RAD51B: variants seen among roughly 807,000 people sequenced by gnomAD.
RAD51B encodes DNA repair protein RAD51 homolog 2.
A neutral mutation model predicts 42.2 loss-of-function variants in RAD51B; 38 were observed. That is an observed-to-expected ratio of 0.90 (90% CI 0.70 to 1.18). The LOEUF (loss-of-function observed/expected upper bound fraction) is 1.18, where lower values mean the gene tolerates loss of function less well. RAD51B is among the 50% of genes most tolerant of loss of function. The probability of loss-of-function intolerance (pLI) is 0.00; values close to 1 mark genes in which losing one functional copy is unlikely to be tolerated. For missense variants in RAD51B, 373 were observed against 400.7 expected (o/e 0.93, Z 0.59); for synonymous variants, 154 against 145.2 (o/e 1.06, Z -0.43).
At chr14:68,476,476 C>T (rs748419525) in intron 10 of RAD51B, among the ~76,000 whole-genome samples, 3 of 152,228 alleles carry the variant, frequency 2.0e-5, no homozygotes, top group Non-Finnish European at 4.4e-5. Context: ...TCCTGAATTT[C>T]ACCGATGAAG....
intron 7 of RAD51B, among the ~76,000 whole-genome samples, chr14:68,158,408 A>T (rs2078564157): frequency 6.6e-6 from 1 of 152,210 alleles, no homozygotes; most frequent in South Asian, 2.1e-4. Context: ...GCCGAACTGT[A>T]ATTGTTCAAT....
rs150920104 is a variant in RAD51B, at chr14:68,329,054, G to C, written c.853+37074G>C. Among the ~76,000 whole-genome samples the C allele has an allele frequency of 2.1e-3, 316 of 152,200 alleles. 1 individual carries two copies. Among genetic ancestry groups the C allele is most frequent in the African/African-American group, 6.4e-3 (265 of 41,506 alleles). ...GACAGGGTCTTTTGCTGTTGCCCAGGCTGGAGTGCAGTGGCATGATCATAG... is the reference window on the plus strand; with the variant it reads ...GACAGGGTCTTTTGCTGTTGCCCAGCCTGGAGTGCAGTGGCATGATCATAG... On this transcript the variant is annotated intron_variant, in intron 8 of 10. Coordinates refer to ENST00000471583, the MANE Select transcript of RAD51B (RefSeq NM_133510.4).
chr14:67,959,177 G>A (rs1000517341), intron 7 of RAD51B, among the ~76,000 whole-genome samples: 3 of 151,534 alleles, frequency 2.0e-5, no homozygotes, highest in African/African-American at 7.3e-5. Flanking sequence ...ACCTGCTAGT[G>A]TTACCAATGC....
At chr14:68,676,211 T>A (rs1168183382) in intron 11 of RAD51B, among the ~76,000 whole-genome samples, 4 of 152,192 alleles carry the variant, frequency 2.6e-5, no homozygotes, top group Admixed American at 1.3e-4. Flanking sequence ...TAAGTGCAAC[T>A]ATGATCCCAC....
chr14:68,298,958 C>T (rs1293768218), intron 8 of RAD51B, among the ~76,000 whole-genome samples: 3 of 152,016 alleles, frequency 2.0e-5, no homozygotes, highest in Non-Finnish European at 2.9e-5. Flanking sequence ...GGAAAAGGAT[C>T]GTAACAAGGT....
intron 7 of RAD51B, among the ~76,000 whole-genome samples, chr14:68,004,691 A>T (rs2075550931): frequency 6.6e-6 from 1 of 152,170 alleles, no homozygotes; most frequent in South Asian, 2.1e-4. Flanking sequence ...ATCTCATGTA[A>T]CCAGAATCCA....
chr14:68,534,250 G>A (rs1326159635), intron 10 of RAD51B, among the ~76,000 whole-genome samples: 5 of 152,248 alleles, frequency 3.3e-5, no homozygotes, highest in Non-Finnish European at 7.3e-5. Context: ...TAGATCACTG[G>A]AAGTGAGAAG....
At chr14:68,591,625 G>A (rs558410337) in intron 10 of RAD51B, among the ~76,000 whole-genome samples, 10 of 152,312 alleles carry the variant, frequency 6.6e-5, no homozygotes, top group Admixed American at 5.9e-4. Context: ...CCCTGTGTGT[G>A]TGTGGCCGGT....
intron 11 of RAD51B, among the ~76,000 whole-genome samples, chr14:68,651,348 T>A (rs752003451): frequency 6.6e-6 from 1 of 152,150 alleles, no homozygotes; most frequent in Non-Finnish European, 1.5e-5. Context: ...ATTTTTGTAT[T>A]TTTATGTAAA....
chr14:68,176,203 A>G (rs1192172528), intron 7 of RAD51B, among the ~76,000 whole-genome samples: 2 of 152,196 alleles, frequency 1.3e-5, no homozygotes, highest in Admixed American at 6.5e-5. Context: ...TTAGGCATGC[A>G]TCTTGGAAAA....
intron 7 of RAD51B, among the ~76,000 whole-genome samples, chr14:68,183,332 T>G (rs1321616501): frequency 6.7e-6 from 1 of 149,446 alleles, no homozygotes; most frequent in Non-Finnish European, 1.5e-5. Context: ...AGTCTGATGT[T>G]CAAGCGCAGG....
chr14:68,672,873 G>A (rs1445684691), intron 11 of RAD51B, among the ~76,000 whole-genome samples: 1 of 152,148 alleles, frequency 6.6e-6, no homozygotes, highest in Non-Finnish European at 1.5e-5. Context: ...ACTGTGAATC[G>A]TGCTCCTGAT....
At chr14:68,181,121 T>A (rs2079054002) in intron 7 of RAD51B, among the ~76,000 whole-genome samples, 1 of 152,224 alleles carries the variant, frequency 6.6e-6, no homozygotes, top group Non-Finnish European at 1.5e-5. Context: ...AGGTGGGTTT[T>A]AGTCTTGACC....
chr14:68,485,649 G>A (rs1046533610), intron 10 of RAD51B, among the ~76,000 whole-genome samples: 1 of 152,116 alleles, frequency 6.6e-6, no homozygotes, highest in Admixed American at 6.5e-5. Flanking sequence ...TCTGTCCCCT[G>A]CAAGGATCCC....
chr14:68,094,171 T>C (rs2077152175), intron 7 of RAD51B, among the ~76,000 whole-genome samples: 1 of 152,254 alleles, frequency 6.6e-6, no homozygotes, highest in Admixed American at 6.5e-5. Flanking sequence ...TTCATGTTGA[T>C]GTAGATCTTA....
rs528367151 is a variant in RAD51B at position 67,867,260 on chromosome 14, C to T, written c.452+2121C>T. On this transcript the variant is annotated intron_variant, in intron 5 of 10. Transcript: ENST00000471583. ...GAATTATCAGGAAAGGTTGGCCAATCGGTTAGGAAAGCTTACTGCTGCAGA... is the reference window on the plus strand; with the variant it reads ...GAATTATCAGGAAAGGTTGGCCAATTGGTTAGGAAAGCTTACTGCTGCAGA... 7.9e-5 allele frequency among the ~76,000 whole-genome samples: 12 copies of T among 152,226 alleles called. No individual in the cohort carries two copies. In the South Asian group the frequency reaches 1.9e-3, roughly 24 times the overall value.
chr14:68,010,758 T>C (rs1288476895), intron 7 of RAD51B, among the ~76,000 whole-genome samples: 2 of 151,858 alleles, frequency 1.3e-5, no homozygotes, highest in Non-Finnish European at 3.0e-5. Context: ...AGGTAGAATT[T>C]AGTAGATATT....
chr14:68,029,593 T>G (rs2076008964), intron 7 of RAD51B, among the ~76,000 whole-genome samples: 1 of 152,226 alleles, frequency 6.6e-6, no homozygotes, highest in African/African-American at 2.4e-5. Flanking sequence ...TCTTTTGCTG[T>G]TTTTCCCGCA....
chr14:67,938,070 C>G (rs1039575333), intron 7 of RAD51B, among the ~76,000 whole-genome samples: 23 of 152,044 alleles, frequency 1.5e-4, no homozygotes, highest in Non-Finnish European at 3.2e-4. Context: ...TGTAAAGAAG[C>G]CTGGCATGTG....
Sources: allele counts gnomAD v4.1 joint callset (sites outside exome capture counted in the v4.1 genomes callset), GRCh38; gene constraint gnomAD v4.1.1; transcripts MANE v1.5; gene names NCBI Gene and HGNC (gene_info 2026-07-23, HGNC 2026-07-21).